The following ATP2A1 variants were observed in gnomAD, a reference collection of about 807,000 sequenced individuals.
ATP2A1 encodes the protein ATPase sarcoplasmic/endoplasmic reticulum Ca2+ transporting 1.
ATP2A1 carries 83 observed loss-of-function variants against 109.5 expected under a neutral mutation model. The observed-to-expected ratio is 0.76, with a 90% CI of 0.63 to 0.91. The LOEUF is 0.91. Ranked by LOEUF, ATP2A1 falls within the 40% of genes least tolerant of loss-of-function variation. The pLI, the probability that ATP2A1 is intolerant of heterozygous loss-of-function variation, is 0.00. For synonymous variants in ATP2A1, 505 were observed against 537.6 expected, an observed-to-expected ratio of 0.94 and a Z score of 0.84; for missense variants, 1,101 against 1,341.0, an observed-to-expected ratio of 0.82 and a Z score of 2.80.
chr16:28,890,062 A>C (rs1963727345), intron 9 of ATP2A1, among the ~76,000 whole-genome samples: 1 of 152,242 alleles, frequency 6.6e-6, no homozygotes, highest in African/African-American at 2.4e-5. Context: ...AAATTGCTTC[A>C]ACCCGGGAGG....
intron 12 of ATP2A1, among the ~76,000 whole-genome samples, chr16:28,895,443 C>T (rs573034273): frequency 6.6e-6 from 1 of 152,162 alleles, no homozygotes; most frequent in Admixed American, 6.6e-5. Flanking sequence ...CCATTAAGCA[C>T]TTCTCTCTGG....
chr16:28,888,180 A>C (rs1182340012), intron 8 of ATP2A1, among the ~76,000 whole-genome samples: 1 of 151,760 alleles, frequency 6.6e-6, no homozygotes, highest in South Asian at 2.1e-4. Context: ...TTACAGGTGC[A>C]CGCCACCATG....
intron 15 of ATP2A1, 112 bp downstream of exon 15, chr16:28,901,028 G>A: frequency 1.4e-6 from 2 of 1,387,660 alleles, no homozygotes; most frequent in Middle Eastern, 1.8e-4. Context: ...CAAGAAGGGT[G>A]GGGATTCAGA....
rs1218298570 is a variant in ATP2A1 at position 28,899,643 on chromosome 16, GCCCGCC to G, written c.1765-934_1765-929del. 2.5e-3 allele frequency among the ~76,000 whole-genome samples: 19 copies of G among 7,596 alleles called. 2 individuals carry two copies. Among genetic ancestry groups the G allele is most frequent in the African/African-American group, 4.1e-3 (12 of 2,922 alleles). 5.0% of individuals were successfully genotyped at this position (7,596 alleles called of 152,430 possible). On this transcript the variant is annotated intron_variant, in intron 14 of 22. Transcript: ENST00000395503. ...AACAGAGCGAGACTCCATCCCCTGC[GCCCGCC>G]CCCCCCCCCCCGAAAAAGACACAAT... is the stretch of plus-strand genomic sequence containing the variant.
intron 6 of ATP2A1, among the ~76,000 whole-genome samples, chr16:28,886,192 C>T (rs1449010929): frequency 6.6e-6 from 1 of 151,990 alleles, no homozygotes; most frequent in East Asian, 1.9e-4. Flanking sequence ...TAAAAATTAG[C>T]TGGGCATTGT....
chr16:28,881,067 G>A (rs1963458253), intron 4 of ATP2A1, 48 bp downstream of exon 4: 1 of 1,566,512 alleles, frequency 6.4e-7, no homozygotes, highest in Non-Finnish European at 8.8e-7. Context: ...CAGTGAAGAA[G>A]AGGCCAACCC....
At position 28,883,596 on chromosome 16, in the gene ATP2A1, C is replaced by G. The variant is rs896158823; in HGVS notation, c.464-979C>G. ...GACCAGTGCGGAATTAGGCAGCGGC[C>G]CTGGGAGATTCTTAGCCTCCTCCTA... is the stretch of plus-strand genomic sequence containing the variant. On this transcript the variant is annotated intron_variant, in intron 5 of 22. Transcript: ENST00000395503. The surrounding 1 kb of genome is among the most constrained non-coding windows in gnomAD (Gnocchi z 5.2). Among the ~76,000 whole-genome samples the G allele has an allele frequency of 6.6e-6, 1 of 152,156 alleles. No individual in the cohort carries two copies. Among genetic ancestry groups the G allele is most frequent in the Non-Finnish European group, 1.5e-5 (1 of 68,030 alleles).
In ATP2A1 at chr16:28,882,460, G is replaced by A. The variant is rs1349217249; in HGVS notation, c.334G>A (p.Ala112Thr). Residue 112 changes from alanine to threonine, a missense_variant, in exon 5 of 23, where the codon GCA (alanine) becomes ACA (threonine). Ala to Thr is a moderately conservative substitution (Grantham distance 58, BLOSUM62 0). Transcript: ENST00000395503. ...CACCCTGTCTCCTCAGGAGCGGAACGCAGAGAACGCCATCGAGGCCCTGAA... is the reference window on the plus strand; with the variant it reads ...CACCCTGTCTCCTCAGGAGCGGAACACAGAGAACGCCATCGAGGCCCTGAA... Reference protein sequence around the residue: ...AIVGVWQERNAENAIEALKEY... With the variant: ...AIVGVWQERNTENAIEALKEY... 17 of 1,614,048 alleles carry A rather than the reference G, an allele frequency of 1.1e-5. No individual in the cohort carries two copies. The highest frequency in any genetic ancestry group is 1.4e-5 in the Non-Finnish European group (16 of 1,180,034).
chr16:28,887,687 T>C lies in ATP2A1; in HGVS notation c.893T>C (p.Ile298Thr), dbSNP rs769118456. Residue 298 changes from isoleucine (I) to threonine (T), a missense_variant, in exon 8 of 23, where the codon ATT becomes ACT. Transcript: ENST00000395503. ...CGCGGGGCCATCTACTACTTTAAGA[T>C]TGCCGTGGCCTTGGCTGTGGCTGCC... ...WFRGAIYYFKIAVALAVAAIP... is the reference protein window; with the variant it reads ...WFRGAIYYFKTAVALAVAAIP... 2.5e-6 allele frequency: 4 copies of C among 1,614,004 alleles called. No individual in the cohort carries two copies. The highest frequency in any genetic ancestry group is 2.2e-5 in the South Asian group (2 of 91,090).
chr16:28,880,650 G>C lies in ATP2A1; in HGVS notation c.220-265G>C, dbSNP rs1963443711. 6.6e-6 allele frequency among the ~76,000 whole-genome samples: 1 copy of C among 152,222 alleles called. No homozygotes were observed. The highest frequency in any genetic ancestry group is 1.5e-5 in the Non-Finnish European group (1 of 68,042). ...CGCTTCTAAGCCAGCAGCTTGGTCA[G>C]GGAAACCTGAAAGCATTCCCAGCTA... On this transcript the variant is annotated intron_variant, in intron 3 of 22. Transcript: ENST00000395503. The surrounding 1 kb of genome is among the most constrained non-coding windows in gnomAD (Gnocchi z 4.2).
At chr16:28,900,534 T>G in intron 14 of ATP2A1, 47 bp from the exon 15 acceptor site, 1 of 1,510,196 alleles carries the variant, frequency 6.6e-7, no homozygotes, top group Non-Finnish European at 8.8e-7. Flanking sequence ...CCAGGGGAGT[T>G]TTCCAGATCC....
chr16:28,900,139 T>A (rs1004888336), intron 14 of ATP2A1, among the ~76,000 whole-genome samples: 31 of 144,430 alleles, frequency 2.1e-4, no homozygotes, highest in Non-Finnish European at 4.0e-4. Context: ...TACTAAAAAT[T>A]AAAAAAAAAA....
chr16:28,888,890 C>T lies in ATP2A1; in HGVS notation c.1032C>T (p.Cys344=). 1 of 1,614,136 alleles carries T rather than the reference C, an allele frequency of 6.2e-7. No homozygotes were observed. Among genetic ancestry groups the T allele is most frequent in the Non-Finnish European group, 8.5e-7 (1 of 1,180,020 alleles). ...TGCCCTCCGTAGAGACCCTGGGCTGCACCTCTGTCATCTGTTCCGACAAGA... is the reference window on the plus strand; with the variant it reads ...TGCCCTCCGTAGAGACCCTGGGCTGTACCTCTGTCATCTGTTCCGACAAGA... ...RSLPSVETLG[C]TSVICSDKTG... is the part of the protein sequence containing the mutation. Residue 344 remains cysteine, a synonymous_variant, in exon 9 of 23, where the codon TGC becomes TGT. Coordinates refer to ENST00000395503, the MANE Select transcript of ATP2A1 (RefSeq NM_004320.6).
chr16:28,879,920 AC>A, intron 3 of ATP2A1: 1 of 870,824 alleles, frequency 1.1e-6, no homozygotes, highest in Non-Finnish European at 1.4e-6. Context: ...GCGGGGGGCC[AC>A]TGCCACTCCC....
chr16:28,891,563 C>T (rs1963774118), intron 9 of ATP2A1, among the ~76,000 whole-genome samples: 1 of 126,690 alleles, frequency 7.9e-6, no homozygotes, highest in Admixed American at 9.6e-5. Context: ...GCACTCCAGC[C>T]TGGGCGACAG....
chr16:28,880,821 C>A lies in ATP2A1; in HGVS notation c.220-94C>A. On this transcript the variant is annotated intron_variant, in intron 3 of 22. Transcript: ENST00000395503. The surrounding 1 kb of genome is among the most constrained non-coding windows in gnomAD (Gnocchi z 4.2). ...GCCCTCCTGCTGGCTCCTGCACTCT[C>A]CTGCACAGTTCTCCCCTTTGCAGTG... The A allele has an allele frequency of 8.0e-7, 1 of 1,255,014 alleles. No homozygotes were observed. Among genetic ancestry groups the A allele is most frequent in the East Asian group, 2.3e-5 (1 of 43,100 alleles). The allele number at this position is 1,255,014 out of a possible 1,614,324, so 77.7% of individuals were successfully genotyped here.
intron 3 of ATP2A1, 191 bp downstream of exon 3, chr16:28,879,774 T>C: frequency 1.3e-6 from 1 of 745,012 alleles, no homozygotes; most frequent in Non-Finnish European, 2.2e-6. Flanking sequence ...CAGAGGCAGG[T>C]TTTATTTTAA....
intron 9 of ATP2A1, among the ~76,000 whole-genome samples, chr16:28,893,200 A>G (rs941149033): frequency 2.0e-5 from 3 of 151,162 alleles, no homozygotes; most frequent in Admixed American, 1.3e-4. Flanking sequence ...CCTGGGCAAC[A>G]TAGTGAGACC....
At chr16:28,899,110 A>G (rs1259920015) in intron 14 of ATP2A1, among the ~76,000 whole-genome samples, 1 of 152,254 alleles carries the variant, frequency 6.6e-6, no homozygotes, top group African/African-American at 2.4e-5. Context: ...ACAGGAGCCA[A>G]TGCCACTCAG....
Sources: gnomAD v4.1 joint callset for allele counts (sites outside exome capture counted in the v4.1 genomes callset) on GRCh38, gnomAD v4.1.1 for gene constraint, Gnocchi (gnomAD v3.1) non-coding constraint, MANE v1.5 for transcripts, NCBI Gene and HGNC (gene_info 2026-07-23, HGNC 2026-07-21) for gene names.